The following LRBA variants were observed in gnomAD, a reference collection of about 807,000 sequenced individuals.
LRBA encodes LPS responsive beige-like anchor protein.
A neutral mutation model predicts 330.0 loss-of-function variants in LRBA; 176 were observed. The observed-to-expected ratio is 0.53, with a 90% confidence interval of 0.47 to 0.60. The LOEUF (loss-of-function observed/expected upper bound fraction) is 0.60. Among genes scored for constraint, LRBA ranks in the 20% least tolerant of loss-of-function variants. LRBA has a pLI of 0.00. For missense variants in LRBA, 3,259 were observed against 3,444.8 expected (o/e 0.95, Z 1.35); for synonymous variants, 1,230 against 1,193.0 (o/e 1.03, Z -0.64).
At chr4:150,882,427 T>C (rs1042871391) in intron 17 of LRBA, among the ~76,000 whole-genome samples, 6 of 152,146 alleles carry the variant, frequency 3.9e-5, no homozygotes, top group African/African-American at 1.4e-4. Flanking sequence ...TTCAATGAAA[T>C]TTATATATTT....
chr4:150,735,085 A>C (rs1053738731), intron 36 of LRBA, among the ~76,000 whole-genome samples, 173 bp downstream of exon 36: 1 of 152,208 alleles, frequency 6.6e-6, no homozygotes, highest in Admixed American at 6.5e-5. Flanking sequence ...CAAGAGGGCT[A>C]AAGAGACATG....
intron 44 of LRBA, among the ~76,000 whole-genome samples, chr4:150,445,367 CTCTCTCTCTCTATA>C (rs1367748411): frequency 2.4e-5 from 2 of 83,584 alleles, no homozygotes; most frequent in Non-Finnish European, 4.9e-5. Flanking sequence ...CTCTCTCTCT[CTCTCTCTCTCTATA>C]TATATATATA....
rs760696667 is a variant in LRBA at position 150,828,241 on chromosome 4, A to C, written c.5110T>G (p.Cys1704Gly). 3.3e-5 allele frequency: 53 copies of C among 1,614,026 alleles called. No individual in the cohort carries two copies. The highest frequency in any genetic ancestry group is 4.4e-5 in the Non-Finnish European group (52 of 1,180,002). The change falls in exon 30 of 57, where the codon TGC (cysteine) becomes GGC (glycine). Residue 1704 changes from cysteine (C) to glycine (G), a missense_variant. Transcript: ENST00000651943. ...TVDPALLPPA[C>G]LGALGDLSVE... ...GATAGATCACCAAGGGCTCCAAGGC[A>C]GGCTGGTGGCAGAAGGGCAGGATCC...
intron 2 of LRBA, among the ~76,000 whole-genome samples, chr4:151,002,129 A>T (rs567496705): frequency 7.2e-6 from 1 of 139,360 alleles, no homozygotes. Context: ...AGTTCAAATA[A>T]TTTGAAAAAG....
intron 42 of LRBA, among the ~76,000 whole-genome samples, chr4:150,482,903 A>T (rs145728618): frequency 6.6e-6 from 1 of 151,996 alleles, no homozygotes; most frequent in Non-Finnish European, 1.5e-5. Context: ...TGTTTCCTAC[A>T]TATCCTGGAT....
chr4:150,302,549 A>C lies in LRBA; in HGVS notation c.8017+76T>G, dbSNP rs1016532990. The stretch of plus-strand genomic sequence containing the variant: ...AATCCTGTCTCACTTTTACCATAAC[A>C]AAAAGGTAACTTTACTGCAAAATGT... On this transcript the variant is annotated intron_variant, in intron 53 of 56. Coordinates refer to ENST00000651943, the MANE Select transcript of LRBA (RefSeq NM_001364905.1). 6.0e-6 allele frequency: 6 copies of C among 992,266 alleles called. No homozygotes were observed. The East Asian group carries it at 1.6e-4, about 27-fold the overall frequency. 61.5% of individuals were successfully genotyped at this position (992,266 alleles called of 1,614,324 possible). A position where few individuals can be genotyped will look rare whatever the true frequency, so the allele number is the denominator to read the frequency against.
chr4:150,977,542 G>T (rs1375088476), intron 2 of LRBA, among the ~76,000 whole-genome samples: 1 of 152,112 alleles, frequency 6.6e-6, no homozygotes, highest in East Asian at 1.9e-4. Context: ...TCTGAAACGT[G>T]CCGGCTTCAG....
intron 54 of LRBA, among the ~76,000 whole-genome samples, chr4:150,284,497 C>A (rs1193184567): frequency 6.6e-6 from 1 of 152,110 alleles, no homozygotes; most frequent in Non-Finnish European, 1.5e-5. Context: ...CTACTTTTTT[C>A]ATGTTATATG....
chr4:150,596,672 G>A (rs558800278), intron 38 of LRBA, among the ~76,000 whole-genome samples: 25 of 151,760 alleles, frequency 1.6e-4, no homozygotes, highest in African/African-American at 5.1e-4. Flanking sequence ...TTCTTAATAA[G>A]TTTATTTTGA....
chr4:150,761,239 C>T (rs1735042098), intron 35 of LRBA, among the ~76,000 whole-genome samples: 1 of 152,052 alleles, frequency 6.6e-6, no homozygotes, highest in Admixed American at 6.5e-5. Flanking sequence ...TCCCTTTTAT[C>T]TCTCTTTTCA....
intron 50 of LRBA, among the ~76,000 whole-genome samples, chr4:150,319,932 A>C (rs1355535771): frequency 1.3e-5 from 2 of 152,204 alleles, no homozygotes. Context: ...GCAGTGCTTT[A>C]TGCACACTTC....
At chr4:150,828,140 G>T (rs762713333) in intron 30 of LRBA, 40 bp downstream of exon 30, 2 of 1,582,628 alleles carry the variant, frequency 1.3e-6, no homozygotes, top group Non-Finnish European at 1.7e-6. Flanking sequence ...TCAAGGGTCA[G>T]ATGTAGAAAC....
intron 2 of LRBA, among the ~76,000 whole-genome samples, chr4:150,962,000 G>A (rs1738200292): frequency 6.7e-6 from 1 of 149,386 alleles, no homozygotes; most frequent in Non-Finnish European, 1.5e-5. Flanking sequence ...TCAGAGGCAA[G>A]AAGTGGTGCT....
At chr4:150,441,766 C>A (rs1178745012) in intron 44 of LRBA, among the ~76,000 whole-genome samples, 1 of 148,590 alleles carries the variant, frequency 6.7e-6, no homozygotes, top group Admixed American at 6.7e-5. Flanking sequence ...AAAAGTCCTT[C>A]TCTGGGCCAT....
intron 22 of LRBA, among the ~76,000 whole-genome samples, chr4:150,864,802 G>A (rs62344569): frequency 0.094 from 14,225 of 151,610 alleles, 1,197 homozygotes; most frequent in African/African-American, 0.24. Context: ...ATGCACCACC[G>A]TGCCCAGCTA....
At chr4:150,666,984 G>A (rs1261520114) in intron 37 of LRBA, among the ~76,000 whole-genome samples, 4 of 152,154 alleles carry the variant, frequency 2.6e-5, no homozygotes, top group Non-Finnish European at 5.9e-5. Context: ...GAAACCCAGA[G>A]AGACTAAGTG....
At chr4:150,503,298 C>A (rs1760550729) in intron 40 of LRBA, among the ~76,000 whole-genome samples, 1 of 152,088 alleles carries the variant, frequency 6.6e-6, no homozygotes, top group Non-Finnish European at 1.5e-5. Context: ...CTGGGAGGCA[C>A]CCCCCAGTAG....
At chr4:150,335,090 A>G (rs1038186137) in intron 48 of LRBA, among the ~76,000 whole-genome samples, 1 of 152,036 alleles carries the variant, frequency 6.6e-6, no homozygotes, top group African/African-American at 2.4e-5. Flanking sequence ...TCGGCCTCCC[A>G]AAGTGCTGGG....
chr4:150,946,476 G>C (rs1351185540), intron 2 of LRBA, among the ~76,000 whole-genome samples: 1 of 152,074 alleles, frequency 6.6e-6, no homozygotes, highest in Non-Finnish European at 1.5e-5. Flanking sequence ...AAAGATCACA[G>C]AAAAATGTGC....
Sources: allele counts gnomAD v4.1 joint callset (sites outside exome capture counted in the v4.1 genomes callset), GRCh38; gene constraint gnomAD v4.1.1; transcripts MANE v1.5; gene names NCBI Gene and HGNC (gene_info 2026-07-23, HGNC 2026-07-21).